DIAPH3: variants seen among roughly 807,000 people sequenced by gnomAD.
DIAPH3 encodes diaphanous related formin 3.
Under a neutral mutation model 144.3 loss-of-function variants are expected in DIAPH3, and 117 were observed. The observed-to-expected ratio is 0.81, with a 90% CI of 0.70 to 0.95. DIAPH3 has a LOEUF of 0.95. Among genes scored for constraint, DIAPH3 ranks in the 40% least tolerant of loss-of-function variants. The pLI is 0.00. For missense variants in DIAPH3, 1,421 were observed against 1,412.7 expected, an observed-to-expected ratio of 1.01 and a Z score of -0.09; for synonymous variants, 519 against 488.9, an observed-to-expected ratio of 1.06 and a Z score of -0.81.
At chr13:59,931,510 A>C (rs1338241038) in intron 17 of DIAPH3, among the ~76,000 whole-genome samples, 1 of 152,092 alleles carries the variant, frequency 6.6e-6, no homozygotes, top group Non-Finnish European at 1.5e-5. Context: ...ACATATCATA[A>C]ATTTGATATT....
rs374294071 is a variant in DIAPH3 at position 59,841,401 on chromosome 13, GACA to G, written c.2738-1956_2738-1954del. The stretch of plus-strand genomic sequence containing the variant: ...AAGCCAGGAGTTCAAGACCAGCCTG[GACA>G]ACAACAAGACTCTGTGCCTCCAAAA... On this transcript the variant is annotated intron_variant, in intron 22 of 27. Coordinates refer to ENST00000400324, the MANE Select transcript of DIAPH3 (RefSeq NM_001042517.2). 3.1e-3 allele frequency among the ~76,000 whole-genome samples: 478 copies of G among 151,888 alleles called. 4 individuals are homozygous for G. Among genetic ancestry groups the G allele is most frequent in the African/African-American group, 0.011 (459 of 41,404 alleles).
At position 60,010,607 on chromosome 13, in the gene DIAPH3, A is replaced by T. The variant is rs750541040; in HGVS notation, c.834T>A (p.Asp278Glu). The T allele has an allele frequency of 7.4e-6, 12 of 1,613,808 alleles. No homozygotes were observed. The Admixed American group carries it at 2.0e-4, about 27-fold the overall frequency. ...RSLSLLAKAV[D>E]PRHPNMMTDV... ...CTGTCATCATATTGGGGTGTCTGGG[A>T]TCCACGGCTTTGGCCAATAAGGAAA... Residue 278 changes from aspartate (D) to glutamate (E), a missense_variant, in exon 8 of 28, where the codon GAT becomes GAA. Transcript: ENST00000400324.
chr13:60,015,766 A>G (rs1364990081), intron 7 of DIAPH3, 147 bp downstream of exon 7: 2 of 758,492 alleles, frequency 2.6e-6, no homozygotes, highest in Non-Finnish European at 4.5e-6. Context: ...ATTGCAAGAC[A>G]GTTGAAACTA....
intron 24 of DIAPH3, among the ~76,000 whole-genome samples, chr13:59,830,162 G>C (rs957629497): frequency 1.3e-5 from 2 of 151,764 alleles, no homozygotes; most frequent in Non-Finnish European, 2.9e-5. Flanking sequence ...CGGAATTAAA[G>C]AGCAACCTAA....
intron 27 of DIAPH3, among the ~76,000 whole-genome samples, chr13:59,696,832 TATTA>T (rs1216906255): frequency 1.3e-5 from 2 of 152,166 alleles, no homozygotes; most frequent in Non-Finnish European, 2.9e-5. Context: ...CTTCTCATTT[TATTA>T]ATTGACATGT....
chr13:60,095,808 T>G (rs1438914200), intron 3 of DIAPH3, among the ~76,000 whole-genome samples: 1 of 152,190 alleles, frequency 6.6e-6, no homozygotes, highest in Admixed American at 6.5e-5. Flanking sequence ...ATTCTGTAAA[T>G]TATAGTTACA....
At chr13:59,910,436 T>C (rs573418293) in intron 20 of DIAPH3, among the ~76,000 whole-genome samples, 81 of 151,980 alleles carry the variant, frequency 5.3e-4, no homozygotes, top group Non-Finnish European at 8.5e-4. Flanking sequence ...AATTTAAAAG[T>C]TTTAGAAAAG....
At chr13:59,810,407 G>A (rs537857783) in intron 25 of DIAPH3, among the ~76,000 whole-genome samples, 1 of 152,052 alleles carries the variant, frequency 6.6e-6, no homozygotes, top group South Asian at 2.1e-4. Flanking sequence ...TCCCTCCCTT[G>A]GGATATTTTG....
chr13:59,801,692 G>A (rs1057464234), intron 25 of DIAPH3, among the ~76,000 whole-genome samples: 1 of 152,166 alleles, frequency 6.6e-6, no homozygotes, highest in Non-Finnish European at 1.5e-5. Flanking sequence ...TCTAGCCTGT[G>A]TTAAGGCTGC....
intron 27 of DIAPH3, among the ~76,000 whole-genome samples, chr13:59,739,488 T>A (rs1195779936): frequency 6.6e-6 from 1 of 152,208 alleles, no homozygotes; most frequent in African/African-American, 2.4e-5. Flanking sequence ...GCACCGGTGC[T>A]AGTAGCATCA....
rs749196642 is a variant in DIAPH3, at chr13:59,774,822, C to T, written c.3165G>A (p.Glu1055=). ...KKKRLLEMKT[E]GDETGVMDNL... is the part of the protein sequence containing the mutation. ...TATCCATCACTCCTGTCTCATCACC[C>T]TCTGTGAAAAGAGATGCAGGGAATT... The change falls in exon 26 of 28, where the codon GAG becomes GAA. Residue 1055 remains glutamate (E), a splice_region_variant and synonymous_variant. Coordinates refer to ENST00000400324, the MANE Select transcript of DIAPH3 (RefSeq NM_001042517.2). 1.2e-6 allele frequency: 2 copies of T among 1,613,490 alleles called. No homozygotes were observed. The highest frequency in any genetic ancestry group is 1.7e-5 in the Admixed American group (1 of 59,994).
rs1207826159 is a variant in DIAPH3, at chr13:59,742,132, T to C, written c.3319+32057A>G. 2.0e-5 allele frequency among the ~76,000 whole-genome samples: 3 copies of C among 152,120 alleles called. No homozygotes were observed. The East Asian group carries it at 5.8e-4, about 29-fold the overall frequency. ...AAACCATCAGATCTCATGAGACTTA[T>C]TCACTATCATGAAAACAGTATGAGA... is the stretch of plus-strand genomic sequence containing the variant. On this transcript the variant is annotated intron_variant, in intron 27 of 27. Transcript: ENST00000400324.
intron 25 of DIAPH3, among the ~76,000 whole-genome samples, chr13:59,780,507 C>T (rs2038677668): frequency 6.6e-6 from 1 of 152,112 alleles, no homozygotes; most frequent in South Asian, 2.1e-4. Flanking sequence ...TTTATAGTTT[C>T]TCCCCTGCTG....
chr13:59,939,758 T>C (rs1306388730), intron 17 of DIAPH3, among the ~76,000 whole-genome samples: 5 of 152,138 alleles, frequency 3.3e-5, no homozygotes, highest in Admixed American at 2.0e-4. Flanking sequence ...TATTGACTTA[T>C]ATTGACTAAG....
chr13:60,025,340 G>T (rs1180649133), intron 5 of DIAPH3, among the ~76,000 whole-genome samples: 12 of 130,932 alleles, frequency 9.2e-5, no homozygotes, highest in South Asian at 2.3e-4. Flanking sequence ...AAATCTCAAG[G>T]TTCCTAGCCT....
intron 24 of DIAPH3, among the ~76,000 whole-genome samples, chr13:59,821,831 C>T (rs1593551268): frequency 6.6e-6 from 1 of 152,300 alleles, no homozygotes; most frequent in Non-Finnish European, 1.5e-5. Context: ...ATCATCTTAA[C>T]ATTCAATATG....
At chr13:60,068,581 A>G (rs1331416949) in intron 4 of DIAPH3, among the ~76,000 whole-genome samples, 1 of 152,100 alleles carries the variant, frequency 6.6e-6, no homozygotes, top group African/African-American at 2.4e-5. Flanking sequence ...GGTTTGATGT[A>G]CAGATTATTT....
chr13:59,850,698 C>G (rs1391167607), intron 22 of DIAPH3, among the ~76,000 whole-genome samples: 1 of 151,978 alleles, frequency 6.6e-6, no homozygotes, highest in Admixed American at 6.6e-5. Context: ...GGGGATATCA[C>G]CACTGATCCC....
intron 1 of DIAPH3, among the ~76,000 whole-genome samples, chr13:60,160,267 G>A (rs766467823): frequency 2.0e-5 from 3 of 152,114 alleles, no homozygotes; most frequent in African/African-American, 4.8e-5. Context: ...AACCAACACT[G>A]AAGGTACTAC....
Sources: allele counts gnomAD v4.1 joint callset (sites outside exome capture counted in the v4.1 genomes callset), GRCh38; gene constraint gnomAD v4.1.1; transcripts MANE v1.5; gene names NCBI Gene and HGNC (gene_info 2026-07-23, HGNC 2026-07-21).